GPR107: variants seen among roughly 807,000 people sequenced by gnomAD.
The protein encoded by GPR107 is protein GPR107.
A neutral mutation model predicts 75.5 loss-of-function variants in GPR107; 31 were observed. The observed-to-expected ratio is 0.41, with a 90% CI of 0.31 to 0.55. GPR107 has a LOEUF of 0.55. GPR107 is among the 20% of genes least tolerant of loss of function. The pLI, the probability that GPR107 is intolerant of heterozygous loss-of-function variation, is 0.26. For synonymous variants in GPR107, 267 were observed against 251.3 expected (o/e 1.06, Z -0.59); for missense variants, 572 against 665.7 (o/e 0.86, Z 1.55).
At chr9:130,081,168 G>A (rs1173483184) in intron 5 of GPR107, among the ~76,000 whole-genome samples, 1 of 151,970 alleles carries the variant, frequency 6.6e-6, no homozygotes, top group Non-Finnish European at 1.5e-5. Flanking sequence ...GAGCCGTGAT[G>A]CACTGCAGCC....
intron 14 of GPR107, among the ~76,000 whole-genome samples, chr9:130,121,063 G>T (rs1831535180): frequency 6.6e-6 from 1 of 152,102 alleles, no homozygotes; most frequent in African/African-American, 2.4e-5. Flanking sequence ...TGGACGCGAT[G>T]GTGTGCGCCT....
intron 7 of GPR107, among the ~76,000 whole-genome samples, chr9:130,087,446 T>C (rs566697321): frequency 4.6e-5 from 7 of 151,984 alleles, no homozygotes; most frequent in Admixed American, 4.6e-4. Context: ...GGTAGGCGGA[T>C]TGCTTGAGCC....
chr9:130,101,025 CAT>C (rs1831016718), intron 11 of GPR107, 79 bp from the exon 12 acceptor site: 1 of 842,000 alleles, frequency 1.2e-6, no homozygotes, highest in Admixed American at 1.9e-5. Context: ...CTTGTGAACT[CAT>C]AGAATGAGCT....
chr9:130,071,263 G>A (rs1830204602), intron 1 of GPR107, among the ~76,000 whole-genome samples: 1 of 151,016 alleles, frequency 6.6e-6, no homozygotes, highest in African/African-American at 2.4e-5. Flanking sequence ...CTGGGCTCAA[G>A]CAGTCTGCCT....
At chr9:130,071,033 T>TCC (rs370408667) in intron 1 of GPR107, among the ~76,000 whole-genome samples, 2,268 of 75,980 alleles carry the variant, frequency 0.03, 37 homozygotes, top group Non-Finnish European at 0.046. Context: ...CTTTTTTTTT[T>TCC]TCTTTTTTTT....
At chr9:130,096,607 A>C (rs1378729556) in intron 9 of GPR107, among the ~76,000 whole-genome samples, 1 of 151,506 alleles carries the variant, frequency 6.6e-6, no homozygotes, top group African/African-American at 2.4e-5. Context: ...AGCTGGGACT[A>C]CAGGCGCCTG....
intron 1 of GPR107, among the ~76,000 whole-genome samples, chr9:130,061,075 C>T (rs1035816143): frequency 2.0e-5 from 3 of 152,152 alleles, no homozygotes; most frequent in Non-Finnish European, 4.4e-5. Flanking sequence ...TGGATGACTT[C>T]GCAACACATG....
In GPR107 at chr9:130,137,632, C is replaced by G. The variant is rs1450801780; in HGVS notation, c.*2511C>G. ...AATTATTGAAGCTCTCCATCCTGTT[C>G]TGTGAGTGTGTCTTCTCTTTCTCCT... On this transcript the variant is annotated 3_prime_UTR_variant, in exon 18 of 18. Transcript: ENST00000347136. 2.0e-5 allele frequency: 3 copies of G among 152,366 alleles called. No homozygotes were observed. Among genetic ancestry groups the G allele is most frequent in the East Asian group, 3.9e-4 (2 of 5,188 alleles). The allele number at this position is 152,366 out of a possible 1,614,324, so 9.4% of individuals were successfully genotyped here.
chr9:130,106,646 A>G (rs1372482842), intron 13 of GPR107, among the ~76,000 whole-genome samples: 1 of 149,828 alleles, frequency 6.7e-6, no homozygotes, highest in African/African-American at 2.5e-5. Flanking sequence ...AATACTTGTA[A>G]ATATCCCGAT....
At chr9:130,061,049 G>A (rs1392542609) in intron 1 of GPR107, among the ~76,000 whole-genome samples, 2 of 152,188 alleles carry the variant, frequency 1.3e-5, no homozygotes, top group African/African-American at 4.8e-5. Context: ...ACTTAAATGA[G>A]TGACATTAAG....
chr9:130,058,021 G>A (rs1829835503), intron 1 of GPR107, among the ~76,000 whole-genome samples: 2 of 151,902 alleles, frequency 1.3e-5, no homozygotes, highest in African/African-American at 2.4e-5. Context: ...TAGAGATGGG[G>A]TTTTGCCATA....
At chr9:130,126,639 C>T (rs552720977) in intron 15 of GPR107, among the ~76,000 whole-genome samples, 4 of 152,262 alleles carry the variant, frequency 2.6e-5, no homozygotes, top group South Asian at 4.1e-4. Context: ...CGTGAGCCAT[C>T]GCGCCCGGCC....
chr9:130,066,292 T>A (rs1330519835), intron 1 of GPR107, among the ~76,000 whole-genome samples: 1 of 151,990 alleles, frequency 6.6e-6, no homozygotes, highest in Non-Finnish European at 1.5e-5. Context: ...AGAGTGAAAC[T>A]CTGTCCCAAG....
chr9:130,130,101 G>C (rs1654872854), intron 17 of GPR107: 1 of 152,212 alleles, frequency 6.6e-6, no homozygotes, highest in Non-Finnish European at 1.5e-5. Context: ...GCCTGACACA[G>C]CTTCTCTCTC....
intron 14 of GPR107, among the ~76,000 whole-genome samples, chr9:130,121,787 A>G (rs1186913876): frequency 6.6e-6 from 1 of 152,238 alleles, no homozygotes; most frequent in Non-Finnish European, 1.5e-5. Context: ...CAGTGAAAAC[A>G]TGACACTTCC....
chr9:130,122,668 A>G (rs1482671267), intron 14 of GPR107, among the ~76,000 whole-genome samples: 1 of 152,124 alleles, frequency 6.6e-6, no homozygotes, highest in Non-Finnish European at 1.5e-5. Context: ...TGTCGTGTAT[A>G]CTGCTGTATC....
At chr9:130,068,761 A>G (rs79380370) in intron 1 of GPR107, among the ~76,000 whole-genome samples, 1 of 137,074 alleles carries the variant, frequency 7.3e-6, no homozygotes, top group East Asian at 2.0e-4. Flanking sequence ...ATTTTTTTTG[A>G]GACGAGGTTT....
At chr9:130,115,199 A>T (rs1289085838) in intron 14 of GPR107, among the ~76,000 whole-genome samples, 2 of 152,190 alleles carry the variant, frequency 1.3e-5, no homozygotes, top group South Asian at 2.1e-4. Flanking sequence ...CCATGTCTAC[A>T]TAAAGTTTTC....
intron 9 of GPR107, among the ~76,000 whole-genome samples, chr9:130,093,164 T>C (rs1313051709): frequency 6.6e-6 from 1 of 152,140 alleles, no homozygotes; most frequent in Non-Finnish European, 1.5e-5. Context: ...CAGATACTTG[T>C]CACTGGACAA....
Sources: gnomAD v4.1 joint callset for allele counts (sites outside exome capture counted in the v4.1 genomes callset) on GRCh38, gnomAD v4.1.1 for gene constraint, MANE v1.5 for transcripts, NCBI Gene and HGNC (gene_info 2026-07-23, HGNC 2026-07-21) for gene names.